Variants in SORCS3 observed in about 807,000 individuals in gnomAD.
SORCS3 encodes VPS10 domain-containing receptor SorCS3.
Under a neutral mutation model 146.3 loss-of-function variants are expected in SORCS3, and 57 were observed. That is an observed-to-expected ratio of 0.39 (90% CI 0.31 to 0.49). SORCS3 has a LOEUF of 0.49. Ranked by LOEUF, SORCS3 falls within the 20% of genes least tolerant of loss-of-function variation. SORCS3 has a pLI of 0.92. For synonymous variants in SORCS3, 653 were observed against 618.5 expected, an observed-to-expected ratio of 1.06 and a Z score of -0.83; for missense variants, 1,341 against 1,575.5, an observed-to-expected ratio of 0.85 and a Z score of 2.52.
At chr10:104,776,552 A>C (rs929035442) in intron 1 of SORCS3, among the ~76,000 whole-genome samples, 3 of 152,158 alleles carry the variant, frequency 2.0e-5, no homozygotes, top group African/African-American at 7.2e-5. Flanking sequence ...AAATACCATT[A>C]ATTTCAAATG....
intron 3 of SORCS3, among the ~76,000 whole-genome samples, chr10:104,950,690 C>A (rs947878620): frequency 1.5e-4 from 23 of 152,150 alleles, no homozygotes; most frequent in Admixed American, 2.6e-4. Context: ...TTTCACCTGA[C>A]TCAGACCCGG....
rs2016792252 is a variant in SORCS3, at chr10:104,737,755, G to A, written c.627+95801G>A. 2.0e-5 allele frequency among the ~76,000 whole-genome samples: 3 copies of A among 151,602 alleles called. No individual in the cohort carries two copies. The South Asian group carries it at 6.3e-4, about 32-fold the overall frequency. On this transcript the variant is annotated intron_variant, in intron 1 of 26. Coordinates refer to ENST00000369701, the MANE Select transcript of SORCS3 (RefSeq NM_014978.3). ...GTTCACTCTGATGGTAGTTTCTTTTGCTGTGCAGAAGCTCTTGAGTTTAAT... is the reference window on the plus strand; with the variant it reads ...GTTCACTCTGATGGTAGTTTCTTTTACTGTGCAGAAGCTCTTGAGTTTAAT...
intron 13 of SORCS3, among the ~76,000 whole-genome samples, chr10:105,174,453 A>G (rs530192572): frequency 1.2e-4 from 19 of 152,090 alleles, no homozygotes; most frequent in Non-Finnish European, 2.6e-4. Flanking sequence ...AATAATAATA[A>G]TAATAAGTTT....
Position 105,178,314 on chromosome 10 carries a change from A to C in SORCS3, c.2009+141A>C, listed in dbSNP as rs1001982074. Reference sequence around the variant, plus strand: ...AAAATTTCCTCATCTATAAAATGGAAATACTTATTTTTATACCTACAAACT... The same window carrying C: ...AAAATTTCCTCATCTATAAAATGGACATACTTATTTTTATACCTACAAACT... On this transcript the variant is annotated intron_variant, in intron 14 of 26. Coordinates refer to ENST00000369701, the MANE Select transcript of SORCS3 (RefSeq NM_014978.3). 8.4e-6 allele frequency: 5 copies of C among 597,526 alleles called. No individual in the cohort carries two copies. The African/African-American group carries it at 9.5e-5, about 11-fold the overall frequency. 37.0% of individuals were successfully genotyped at this position (597,526 alleles called of 1,614,324 possible).
In SORCS3 at chr10:105,264,337, C is replaced by T. The variant is rs1209752356; in HGVS notation, c.*963C>T. 6.6e-6 allele frequency: 1 copy of T among 152,156 alleles called. No homozygotes were observed. The highest frequency in any genetic ancestry group is 1.5e-5 in the Non-Finnish European group (1 of 68,026). The allele number at this position is 152,156 out of a possible 1,614,324, so 9.4% of individuals were successfully genotyped here. On this transcript the variant is annotated 3_prime_UTR_variant, in exon 27 of 27. Coordinates refer to ENST00000369701, the MANE Select transcript of SORCS3 (RefSeq NM_014978.3). ...AAGGAAAAACTTGATATTTATCAGT[C>T]TGAGAAAATATTTTTTTCTAAAGAA...
intron 1 of SORCS3, among the ~76,000 whole-genome samples, chr10:104,752,237 C>T (rs1029126550): frequency 4.6e-5 from 7 of 151,668 alleles, no homozygotes; most frequent in Admixed American, 1.3e-4. Context: ...GGTTTCACCA[C>T]GTTGGCCAGG....
At chr10:105,056,110 G>C (rs2055444144) in intron 5 of SORCS3, among the ~76,000 whole-genome samples, 1 of 152,320 alleles carries the variant, frequency 6.6e-6, no homozygotes, top group South Asian at 2.1e-4. Flanking sequence ...CTTGAAGAAT[G>C]GTTTGAATTG....
At chr10:105,208,487 G>T (rs568680983) in intron 16 of SORCS3, among the ~76,000 whole-genome samples, 2 of 151,932 alleles carry the variant, frequency 1.3e-5, no homozygotes, top group South Asian at 4.1e-4. Context: ...CATCATGGCA[G>T]ATTTCAAACT....
chr10:104,787,519 G>A (rs2017452406), intron 1 of SORCS3, among the ~76,000 whole-genome samples: 1 of 152,084 alleles, frequency 6.6e-6, no homozygotes, highest in Non-Finnish European at 1.5e-5. Flanking sequence ...GAGAGCATGA[G>A]CTGGTCTGTT....
At chr10:104,739,264 A>G (rs2016813304) in intron 1 of SORCS3, among the ~76,000 whole-genome samples, 1 of 152,206 alleles carries the variant, frequency 6.6e-6, no homozygotes, top group South Asian at 2.1e-4. Flanking sequence ...GCCGGAGACA[A>G]GAGAAACAGA....
At chr10:104,643,429 G>A (rs930327529) in intron 1 of SORCS3, among the ~76,000 whole-genome samples, 1 of 152,244 alleles carries the variant, frequency 6.6e-6, no homozygotes, top group Non-Finnish European at 1.5e-5. Flanking sequence ...AGCCTGGGTA[G>A]CCCATGCTGG....
intron 5 of SORCS3, among the ~76,000 whole-genome samples, chr10:105,071,779 CTA>C (rs1441574879): frequency 6.6e-6 from 1 of 152,136 alleles, no homozygotes; most frequent in African/African-American, 2.4e-5. Flanking sequence ...TTCTTTCTAA[CTA>C]TTTTTTTGTA....
intron 20 of SORCS3, among the ~76,000 whole-genome samples, chr10:105,239,887 G>A (rs2056813189): frequency 6.6e-6 from 1 of 152,226 alleles, no homozygotes; most frequent in African/African-American, 2.4e-5. Context: ...AGCTTTGCAA[G>A]GAAGGTGAAA....
chr10:105,134,877 A>T (rs1278688067), intron 7 of SORCS3, among the ~76,000 whole-genome samples: 1 of 152,162 alleles, frequency 6.6e-6, no homozygotes, highest in Non-Finnish European at 1.5e-5. Context: ...TCTGCGTATC[A>T]TCTTAATAAG....
At chr10:105,114,079 T>C (rs12357074) in intron 7 of SORCS3, among the ~76,000 whole-genome samples, 29,421 of 152,050 alleles carry the variant, frequency 0.19, 3,067 homozygotes, top group Admixed American at 0.24. Flanking sequence ...ATAAGATTCA[T>C]ACCCTGGCTA....
intron 2 of SORCS3, among the ~76,000 whole-genome samples, chr10:104,903,298 G>A (rs17775021): frequency 0.36 from 54,935 of 152,010 alleles, 12,957 homozygotes; most frequent in African/African-American, 0.67. Context: ...ACAGTCTTCC[G>A]AGAAATTAAT....
intron 2 of SORCS3, among the ~76,000 whole-genome samples, chr10:104,878,917 A>T (rs769887706): frequency 2.6e-5 from 4 of 152,138 alleles, no homozygotes; most frequent in African/African-American, 4.8e-5. Context: ...TGAAGGGCTC[A>T]CCCTGAAGGT....
rs141671637 is a variant in SORCS3, at chr10:105,133,260, A to G, written c.1213-6137A>G. On this transcript the variant is annotated intron_variant, in intron 7 of 26. Transcript: ENST00000369701. ...GAGTTCTTCACTACATCTGTGTTTT[A>G]GTCAGTATCCAATGGAGGAATCCAA... 2.4e-3 allele frequency among the ~76,000 whole-genome samples: 367 copies of G among 152,354 alleles called. 1 individual carries two copies. The highest frequency in any genetic ancestry group is 8.3e-3 in the African/African-American group (347 of 41,584).
At chr10:104,693,459 G>C (rs2016137947) in intron 1 of SORCS3, among the ~76,000 whole-genome samples, 1 of 152,198 alleles carries the variant, frequency 6.6e-6, no homozygotes, top group Non-Finnish European at 1.5e-5. Context: ...ATACTTTGCA[G>C]AGAATTCAGA....
Sources: allele counts gnomAD v4.1 joint callset (sites outside exome capture counted in the v4.1 genomes callset), GRCh38; gene constraint gnomAD v4.1.1; transcripts MANE v1.5; gene names NCBI Gene and HGNC (gene_info 2026-07-23, HGNC 2026-07-21).